LRFN2: variants seen among roughly 807,000 people sequenced by gnomAD.
The protein encoded by LRFN2 is leucine rich repeat and fibronectin type III domain containing 2.
LRFN2 carries 18 observed loss-of-function variants against 37.3 expected under a neutral mutation model. The ratio of observed to expected loss-of-function variants is 0.48; its 90% CI spans 0.33 to 0.72. LRFN2 has a LOEUF of 0.72. Among genes scored for constraint, LRFN2 ranks in the 30% least tolerant of loss-of-function variants. The probability of loss-of-function intolerance (pLI) is 0.02; values close to 1 mark genes in which losing one functional copy is unlikely to be tolerated. For synonymous variants in LRFN2, 556 were observed against 466.6 expected, an observed-to-expected ratio of 1.19 and a Z score of -2.47; for missense variants, 1,006 against 1,060.7, an observed-to-expected ratio of 0.95 and a Z score of 0.72.
At chr6:40,435,321 ATTATTT>A (rs1254563621) in intron 1 of LRFN2, among the ~76,000 whole-genome samples, 10 of 151,004 alleles carry the variant, frequency 6.6e-5, no homozygotes. Flanking sequence ...TGCCTGGCTA[ATTATTT>A]TTATTTTTAT....
At chr6:40,424,685 A>G (rs1763308858) in intron 2 of LRFN2, among the ~76,000 whole-genome samples, 1 of 152,044 alleles carries the variant, frequency 6.6e-6, no homozygotes, top group Non-Finnish European at 1.5e-5. Context: ...TTCCTCCTCT[A>G]TACCATTCTC....
intron 1 of LRFN2, among the ~76,000 whole-genome samples, chr6:40,573,564 C>T (rs1019445656): frequency 6.6e-6 from 1 of 152,230 alleles, no homozygotes; most frequent in South Asian, 2.1e-4. Flanking sequence ...TGGCTTAGGG[C>T]ATGGCAGTGG....
chr6:40,397,703 T>G (rs1762644458), intron 2 of LRFN2, among the ~76,000 whole-genome samples: 1 of 152,200 alleles, frequency 6.6e-6, no homozygotes. Flanking sequence ...ATTAAAGATC[T>G]TATTTATCAA....
rs559145508 is a variant in LRFN2 at position 40,565,368 on chromosome 6, G to A, written c.-19+21573C>T. Among the ~76,000 whole-genome samples, 640 of 152,214 alleles carry A rather than the reference G, an allele frequency of 4.2e-3. 9 individuals are homozygous for A. The highest frequency in any genetic ancestry group is 7.3e-3 in the South Asian group (35 of 4,824). ...CAAGCTACCAATGACTTTCTTCACC[G>A]AATTGGAAAAAACTACTTTAAAGTT... is the stretch of plus-strand genomic sequence containing the variant. On this transcript the variant is annotated intron_variant, in intron 1 of 2. Transcript: ENST00000338305.
chr6:40,535,593 T>C (rs982556467), intron 1 of LRFN2, among the ~76,000 whole-genome samples: 1 of 152,076 alleles, frequency 6.6e-6, no homozygotes, highest in Admixed American at 6.5e-5. Context: ...TCCAGACACA[T>C]CCTTGGCCGG....
At position 40,587,173 on chromosome 6, in the gene LRFN2, A is replaced by C. The variant is rs1348119914; in HGVS notation, c.-251T>G. 4 of 152,364 alleles carry C rather than the reference A, an allele frequency of 2.6e-5. No individual in the cohort carries two copies. In the South Asian group the frequency reaches 8.3e-4, roughly 32 times the overall value. 9.4% of individuals were successfully genotyped at this position (152,364 alleles called of 1,614,324 possible). On this transcript the variant is annotated 5_prime_UTR_variant, in exon 1 of 3. Coordinates refer to ENST00000338305, the MANE Select transcript of LRFN2 (RefSeq NM_020737.3). The surrounding 1 kb of genome is among the most constrained non-coding windows in gnomAD (Gnocchi z 4.2). The stretch of plus-strand genomic sequence containing the variant: ...GCATTTAGCAAGAAGAAGGGGGGAA[A>C]AGCACAACTTGTTCTCTTCTCTTCC...
chr6:40,523,660 A>G (rs936508243), intron 1 of LRFN2, among the ~76,000 whole-genome samples: 1 of 152,122 alleles, frequency 6.6e-6, no homozygotes, highest in Non-Finnish European at 1.5e-5. Flanking sequence ...ATGGGCATGT[A>G]TGATTGCACC....
At chr6:40,525,480 T>G (rs1766225854) in intron 1 of LRFN2, among the ~76,000 whole-genome samples, 2 of 152,222 alleles carry the variant, frequency 1.3e-5, no homozygotes. Context: ...TGAAACGTCA[T>G]GTACAGACTT....
rs567768191 is a variant in LRFN2 at position 40,432,487 on chromosome 6, C to A, written c.627G>T (p.Leu209=). 2 of 1,614,240 alleles carry A rather than the reference C, an allele frequency of 1.2e-6. No individual in the cohort carries two copies. The highest frequency in any genetic ancestry group is 1.7e-5 in the Admixed American group (1 of 60,036). The part of the protein sequence containing the change: ...LARLDLTSNR[L]QKLPPDPIFA... The stretch of plus-strand genomic sequence containing the variant: ...AGATGGGATCAGGGGGCAGCTTCTG[C>A]AGCCGATTGGAGGTGAGATCCAGGC... Residue 209 remains leucine (L), a synonymous_variant, in exon 2 of 3, where the codon CTG becomes CTT. Coordinates refer to ENST00000338305, the MANE Select transcript of LRFN2 (RefSeq NM_020737.3).
intron 1 of LRFN2, among the ~76,000 whole-genome samples, chr6:40,574,916 G>T (rs1411551571): frequency 6.6e-6 from 1 of 152,236 alleles, no homozygotes; most frequent in East Asian, 1.9e-4. Flanking sequence ...AGACAGCACA[G>T]GGGATCCCTG....
intron 1 of LRFN2, among the ~76,000 whole-genome samples, chr6:40,496,735 T>C (rs1421506598): frequency 6.6e-6 from 1 of 152,088 alleles, no homozygotes; most frequent in African/African-American, 2.4e-5. Flanking sequence ...AGCATTTTCC[T>C]GATTGGTTTG....
At chr6:40,525,125 C>A (rs1205897690) in intron 1 of LRFN2, among the ~76,000 whole-genome samples, 1 of 152,218 alleles carries the variant, frequency 6.6e-6, no homozygotes, top group East Asian at 1.9e-4. Flanking sequence ...TGTGACAAGG[C>A]AGTGTCCCCA....
At chr6:40,431,571 C>T (rs753663992) in intron 2 of LRFN2, 143 bp downstream of exon 2, 86 of 601,608 alleles carry the variant, frequency 1.4e-4, no homozygotes, top group Non-Finnish European at 2.0e-4. Context: ...CTTACCTGCA[C>T]GAATGGCACA....
At position 40,538,403 on chromosome 6, in the gene LRFN2, C is replaced by A. The variant is rs532537318; in HGVS notation, c.-19+48538G>T. Among the ~76,000 whole-genome samples the A allele has an allele frequency of 7.2e-5, 11 of 152,298 alleles. 1 individual carries two copies. The South Asian group carries it at 2.1e-3, about 29-fold the overall frequency. On this transcript the variant is annotated intron_variant, in intron 1 of 2. Transcript: ENST00000338305. ...TCATTCCAGAGGTGGAAGCCACCCC[C>A]ACCCCAGCTCAGGATTCCTGCACCC... is the stretch of plus-strand genomic sequence containing the variant.
At chr6:40,571,471 C>T (rs1024247431) in intron 1 of LRFN2, among the ~76,000 whole-genome samples, 1 of 152,178 alleles carries the variant, frequency 6.6e-6, no homozygotes, top group Non-Finnish European at 1.5e-5. Context: ...TTGCAGCAGC[C>T]AAGGTCCATC....
At chr6:40,573,474 T>C (rs1767221920) in intron 1 of LRFN2, among the ~76,000 whole-genome samples, 1 of 152,206 alleles carries the variant, frequency 6.6e-6, no homozygotes, top group Non-Finnish European at 1.5e-5. Context: ...GAGAATGAAA[T>C]GGGACAGCAT....
intron 2 of LRFN2, among the ~76,000 whole-genome samples, chr6:40,413,695 C>T (rs2113807302): frequency 6.6e-6 from 1 of 152,326 alleles, no homozygotes; most frequent in South Asian, 2.1e-4. Flanking sequence ...CCCCCAGGCC[C>T]TTGAAGCAGC....
chr6:40,516,673 C>T (rs1371963715), intron 1 of LRFN2, among the ~76,000 whole-genome samples: 1 of 152,220 alleles, frequency 6.6e-6, no homozygotes, highest in Non-Finnish European at 1.5e-5. Context: ...CTCATTCCCG[C>T]CACAGCTATC....
chr6:40,446,630 A>G (rs1039429930), intron 1 of LRFN2, among the ~76,000 whole-genome samples: 2 of 152,248 alleles, frequency 1.3e-5, no homozygotes, highest in African/African-American at 4.8e-5. Context: ...AGCTCCATAC[A>G]GAATCTGAGT....
Sources: allele counts gnomAD v4.1 joint callset (sites outside exome capture counted in the v4.1 genomes callset), GRCh38; gene constraint gnomAD v4.1.1; non-coding constraint Gnocchi (gnomAD v3.1); transcripts MANE v1.5; gene names NCBI Gene and HGNC (gene_info 2026-07-23, HGNC 2026-07-21).